Variants in CASD1 observed in about 807,000 individuals in gnomAD.
The protein encoded by CASD1 is CAS1 domain sialic acid O acetyltransferase 1, also known as N-acetylneuraminate (7)9-O-acetyltransferase.
A neutral mutation model predicts 100.0 loss-of-function variants in CASD1; 41 were observed. The observed-to-expected ratio is 0.41, with a 90% CI of 0.32 to 0.53. CASD1 has a LOEUF of 0.53. Among genes scored for constraint, CASD1 ranks in the 20% least tolerant of loss-of-function variants. CASD1 has a pLI of 0.25. For synonymous variants in CASD1, 321 were observed against 315.6 expected (o/e 1.02, Z -0.18); for missense variants, 774 against 948.7 (o/e 0.82, Z 2.42).
chr7:94,606,936 A>C, the CASD1 span, among the ~76,000 whole-genome samples: 2 of 152,214 alleles, frequency 1.3e-5, no homozygotes, highest in Non-Finnish European at 2.9e-5. Flanking sequence ...ACCATAACTT[A>C]TCAAAATGTT....
At chr7:94,588,095 G>T in the CASD1 span, 2 of 1,203,936 alleles carry the variant, frequency 1.7e-6, no homozygotes, top group Non-Finnish European at 2.1e-6. Flanking sequence ...GTATAGAGAT[G>T]AATGAAATAA....
At chr7:94,557,245 A>C (rs1448920858), downstream of CASD1, among the ~76,000 whole-genome samples, 1 of 152,052 alleles carries the variant, frequency 6.6e-6, no homozygotes. Flanking sequence ...CTTATTATTT[A>C]TTTAGCACTG....
chr7:94,518,371 A>C, intron 3 of CASD1, 48 bp downstream of exon 3: 1 of 1,478,082 alleles, frequency 6.8e-7, no homozygotes, highest in Non-Finnish European at 9.1e-7. Flanking sequence ...AAGTTAACCA[A>C]CTGAATAGTT....
chr7:94,589,277 T>A, the CASD1 span: 8 of 160,610 alleles, frequency 5.0e-5, no homozygotes, highest in Non-Finnish European at 1.1e-4. Flanking sequence ...TTCCCTCTCC[T>A]TCAGTCCCCA....
chr7:94,522,699 C>T (rs1265810141), intron 3 of CASD1, among the ~76,000 whole-genome samples: 1 of 151,664 alleles, frequency 6.6e-6, no homozygotes, highest in African/African-American at 2.4e-5. Context: ...GCTCTGTTGC[C>T]CAGGCTGGAG....
At chr7:94,570,272 A>C in the CASD1 span, among the ~76,000 whole-genome samples, 1 of 151,908 alleles carries the variant, frequency 6.6e-6, no homozygotes, top group Non-Finnish European at 1.5e-5. Flanking sequence ...CTGTAGTGAA[A>C]GGTTTTGATT....
chr7:94,589,745 TC>T, the CASD1 span: 1 of 180,490 alleles, frequency 5.5e-6, no homozygotes, highest in Non-Finnish European at 1.1e-5. Flanking sequence ...TCTGTCACTG[TC>T]CCCCATCACC....
At chr7:94,537,238 C>T (rs1372557127) in intron 8 of CASD1, among the ~76,000 whole-genome samples, 1 of 151,976 alleles carries the variant, frequency 6.6e-6, no homozygotes, top group Non-Finnish European at 1.5e-5. Flanking sequence ...TCTTGGGTCA[C>T]ATTATAAAAT....
At chr7:94,585,559 A>G in the CASD1 span, 113 of 1,363,338 alleles carry the variant, frequency 8.3e-5, no homozygotes, top group Non-Finnish European at 1.1e-4. Flanking sequence ...TAGTCAGGGC[A>G]TGGATACTTT....
At chr7:94,567,932 T>G in the CASD1 span, among the ~76,000 whole-genome samples, 1 of 152,208 alleles carries the variant, frequency 6.6e-6, no homozygotes, top group South Asian at 2.1e-4. Context: ...TATATATTCC[T>G]TTAACATTTA....
chr7:94,588,339 C>T, the CASD1 span: 4 of 1,095,780 alleles, frequency 3.7e-6, no homozygotes, highest in Non-Finnish European at 4.5e-6. Flanking sequence ...TCAAGCTGCT[C>T]ACTTACTGAG....
Position 94,537,508 on chromosome 7 carries a change from AT to A in CASD1, c.884del (p.Leu295Ter). 6.2e-7 allele frequency: 1 copy of A among 1,611,748 alleles called. No individual in the cohort carries two copies. Among genetic ancestry groups the A allele is most frequent in the Non-Finnish European group, 8.5e-7 (1 of 1,179,292 alleles). On this transcript the variant is annotated frameshift_variant, in exon 9 of 18. Transcript: ENST00000297273. LOFTEE classifies it high-confidence loss of function. ...MILMNVYCNK[I>X]LKPVDGSCCQ... is the part of the protein sequence containing the mutation. ...TCTTATGAATGTGTATTGCAATAAG[AT>A]TTTGAAGCCTGTAGATGGGTCCTGT...
At chr7:94,590,265 A>G in the CASD1 span, among the ~76,000 whole-genome samples, 1 of 152,164 alleles carries the variant, frequency 6.6e-6, no homozygotes, top group African/African-American at 2.4e-5. Flanking sequence ...AATTTTTAAC[A>G]TATTATTTTT....
Position 94,554,700 on chromosome 7 carries a change from CTGAAGCTATTA to C in CASD1, c.2127+128_2127+138del, listed in dbSNP as rs1796118336. The C allele has an allele frequency of 4.4e-5, 24 of 541,094 alleles. No individual in the cohort carries two copies. In the South Asian group the frequency reaches 7.1e-4, roughly 16 times the overall value. The allele number at this position is 541,094 out of a possible 1,614,324, so 33.5% of individuals were successfully genotyped here. ...AAAATCGGACGTACTTTTTTCTAAACTGAAGCTATTATGGAATTACAGGGAAAAGACTTAGA... is the reference window on the plus strand; with the variant it reads ...AAAATCGGACGTACTTTTTTCTAAACTGGAATTACAGGGAAAAGACTTAGA... On this transcript the variant is annotated intron_variant, in intron 17 of 17. Coordinates refer to ENST00000297273, the MANE Select transcript of CASD1 (RefSeq NM_022900.5).
At position 94,537,594 on chromosome 7, in the gene CASD1, A is replaced by T. The variant is rs1397971962; in HGVS notation, c.966A>T (p.Leu322Phe). The change falls in exon 9 of 18, where the codon TTA becomes TTT. Residue 322 changes from leucine to phenylalanine, a missense_variant. Leu to Phe is a conservative substitution (Grantham distance 22). Around this residue, in one of 5 missense-constraint regions of CASD1, gnomAD observed 453 missense variants for 532.6 expected, o/e 0.85. Transcript: ENST00000297273. The part of the protein sequence containing the change: ...IQKLAACFFT[L>F]SIIGYLIFYI... ...AGCTAGCTGCTTGTTTTTTCACTTTATCTATTATCGGATATTTAATTTTTT... is the reference window on the plus strand; with the variant it reads ...AGCTAGCTGCTTGTTTTTTCACTTTTTCTATTATCGGATATTTAATTTTTT... 6.2e-7 allele frequency: 1 copy of T among 1,613,788 alleles called. No homozygotes were observed. The highest frequency in any genetic ancestry group is 1.1e-5 in the South Asian group (1 of 91,068).
chr7:94,629,928 G>A, the CASD1 span: 1 of 1,485,666 alleles, frequency 6.7e-7, no homozygotes, highest in South Asian at 1.2e-5. Context: ...TTATAAAGAG[G>A]GGTCTCACTA....
At chr7:94,586,738 G>A in the CASD1 span, 1 of 590,446 alleles carries the variant, frequency 1.7e-6, no homozygotes, top group Non-Finnish European at 2.1e-6. Context: ...CTGACCTCAG[G>A]TGATCCGCCT....
At chr7:94,528,434 T>C (rs1432013847) in intron 5 of CASD1, among the ~76,000 whole-genome samples, 184 bp downstream of exon 5, 1 of 152,080 alleles carries the variant, frequency 6.6e-6, no homozygotes, top group Non-Finnish European at 1.5e-5. Context: ...GTAGATCCAA[T>C]ATCTCTGCTC....
intron 5 of CASD1, among the ~76,000 whole-genome samples, chr7:94,530,039 T>C (rs1794771632): frequency 6.6e-6 from 1 of 152,092 alleles, no homozygotes; most frequent in Non-Finnish European, 1.5e-5. Context: ...TGGTTAACGT[T>C]ATAGAGATCC....
Sources: gnomAD v4.1 joint callset for allele counts (sites outside exome capture counted in the v4.1 genomes callset) on GRCh38, gnomAD v4.1.1 for gene constraint, gnomAD v4.1.1 regional missense constraint, MANE v1.5 for transcripts, NCBI Gene and HGNC (gene_info 2026-07-23, HGNC 2026-07-21) for gene names.